The following DACH1 variants were observed in gnomAD, a reference collection of about 807,000 sequenced individuals.
DACH1 encodes dachshund homolog 1.
DACH1 carries 12 observed loss-of-function variants against 54.2 expected under a neutral mutation model. That is an observed-to-expected ratio of 0.22 (90% confidence interval 0.14 to 0.36). The LOEUF is 0.36. Among genes scored for constraint, DACH1 ranks in the 10% least tolerant of loss-of-function variants. The pLI, the probability that DACH1 is intolerant of heterozygous loss-of-function variation, is 1.00. For missense variants in DACH1, 805 were observed against 929.8 expected (o/e 0.87, Z 1.75); for synonymous variants, 386 against 366.2 (o/e 1.05, Z -0.62).
intron 10 of DACH1, among the ~76,000 whole-genome samples, chr13:71,465,213 C>T (rs188981047): frequency 6.6e-6 from 1 of 151,944 alleles, no homozygotes; most frequent in Non-Finnish European, 1.5e-5. Flanking sequence ...TATATACATG[C>T]TATCAAATTA....
At chr13:71,736,539 G>GCA (rs1477150281) in intron 1 of DACH1, among the ~76,000 whole-genome samples, 1 of 152,030 alleles carries the variant, frequency 6.6e-6, no homozygotes, top group Non-Finnish European at 1.5e-5. Context: ...AATGGAATGG[G>GCA]GCCCGATATA....
At chr13:71,733,012 C>T (rs1053331919) in intron 1 of DACH1, among the ~76,000 whole-genome samples, 6 of 152,062 alleles carry the variant, frequency 3.9e-5, no homozygotes, top group Non-Finnish European at 7.4e-5. Context: ...GTCTGGAATG[C>T]CTTTCCCCAA....
At chr13:71,662,004 T>C (rs1879524946) in intron 2 of DACH1, among the ~76,000 whole-genome samples, 1 of 152,056 alleles carries the variant, frequency 6.6e-6, no homozygotes, top group Admixed American at 6.6e-5. Flanking sequence ...AATGTTAATG[T>C]AATAACTTCC....
At chr13:71,589,867 A>G (rs928089852) in intron 3 of DACH1, among the ~76,000 whole-genome samples, 3 of 152,154 alleles carry the variant, frequency 2.0e-5, no homozygotes, top group African/African-American at 7.2e-5. Flanking sequence ...CATTTCAGTA[A>G]ATGACAGCAC....
At chr13:71,802,822 T>C (rs1261666252) in intron 1 of DACH1, among the ~76,000 whole-genome samples, 3 of 152,006 alleles carry the variant, frequency 2.0e-5, no homozygotes, top group Non-Finnish European at 1.5e-5. Context: ...AAAAGTTTGG[T>C]TGTATTAAAA....
At chr13:71,671,309 C>A (rs922411183) in intron 2 of DACH1, among the ~76,000 whole-genome samples, 1 of 151,658 alleles carries the variant, frequency 6.6e-6, no homozygotes, top group East Asian at 1.9e-4. Flanking sequence ...AAAAAGTATC[C>A]GTTAGCTTTA....
intron 3 of DACH1, among the ~76,000 whole-genome samples, chr13:71,588,993 A>G (rs548214265): frequency 1.3e-5 from 2 of 152,148 alleles, no homozygotes; most frequent in African/African-American, 4.8e-5. Context: ...TACCATTATT[A>G]GCAAAATATC....
At chr13:71,483,014 G>T (rs1878181265) in intron 7 of DACH1, among the ~76,000 whole-genome samples, 1 of 151,790 alleles carries the variant, frequency 6.6e-6, no homozygotes, top group East Asian at 1.9e-4. Flanking sequence ...TGTTGGCCAG[G>T]ATGATTTCAA....
At chr13:71,837,606 G>A (rs1441767873) in intron 1 of DACH1, among the ~76,000 whole-genome samples, 1 of 152,086 alleles carries the variant, frequency 6.6e-6, no homozygotes, top group Non-Finnish European at 1.5e-5. Context: ...TTAAAGCGAA[G>A]GAATGATGGC....
At chr13:71,623,444 G>T (rs1158800939) in intron 3 of DACH1, among the ~76,000 whole-genome samples, 1 of 151,434 alleles carries the variant, frequency 6.6e-6, no homozygotes, top group African/African-American at 2.4e-5. Context: ...TAATGAAAAG[G>T]ATACATAGTA....
intron 2 of DACH1, among the ~76,000 whole-genome samples, chr13:71,655,217 A>C (rs770786261): frequency 9.2e-5 from 14 of 152,160 alleles, no homozygotes; most frequent in Non-Finnish European, 1.3e-4. Flanking sequence ...ACATATCATA[A>C]TGCTATGCCA....
At chr13:71,774,603 A>G (rs1026223511) in intron 1 of DACH1, among the ~76,000 whole-genome samples, 3 of 152,156 alleles carry the variant, frequency 2.0e-5, no homozygotes, top group South Asian at 4.1e-4. Flanking sequence ...TTTATAATCC[A>G]TGCTTTACAG....
At chr13:71,559,077 T>G (rs1315123151) in intron 5 of DACH1, among the ~76,000 whole-genome samples, 1 of 152,066 alleles carries the variant, frequency 6.6e-6, no homozygotes, top group East Asian at 1.9e-4. Context: ...ATATAGTCAT[T>G]TATCAAAAGA....
At chr13:71,585,816 G>A (rs1873206428) in intron 3 of DACH1, among the ~76,000 whole-genome samples, 1 of 152,090 alleles carries the variant, frequency 6.6e-6, no homozygotes, top group Non-Finnish European at 1.5e-5. Context: ...TAATCATCCT[G>A]AGTTCTGTCA....
chr13:71,776,171 A>G (rs914783042), intron 1 of DACH1, among the ~76,000 whole-genome samples: 11 of 152,278 alleles, frequency 7.2e-5, no homozygotes, highest in African/African-American at 1.4e-4. Flanking sequence ...CTATTACACT[A>G]TAAATTTTAG....
rs1566409141 is a variant in DACH1 at position 71,654,458 on chromosome 13, G to GTAAAGTAAAA, written c.965-23742_965-23741insTTTTACTTTA. Among the ~76,000 whole-genome samples, 134 of 71,286 alleles carry GTAAAGTAAAA rather than the reference G, an allele frequency of 1.9e-3. 1 individual carries two copies. Among genetic ancestry groups the GTAAAGTAAAA allele is most frequent in the South Asian group, 4.4e-3 (8 of 1,828 alleles). 46.8% of individuals were successfully genotyped at this position (71,286 alleles called of 152,430 possible). A position where few individuals can be genotyped will look rare whatever the true frequency, so the allele number is the denominator to read the frequency against. On this transcript the variant is annotated intron_variant, in intron 2 of 10. Transcript: ENST00000613252. Reference sequence around the variant, plus strand: ...ATAAAATAAAATAAAATAAAATAAAGTAAAATAAAATAAAATAAAATAAAA... The same window carrying GTAAAGTAAAA: ...ATAAAATAAAATAAAATAAAATAAAGTAAAGTAAAATAAAATAAAATAAAATAAAATAAAA...
At chr13:71,759,027 T>C (rs1885289474) in intron 1 of DACH1, among the ~76,000 whole-genome samples, 1 of 152,000 alleles carries the variant, frequency 6.6e-6, no homozygotes. Flanking sequence ...ATGGGGAGTG[T>C]TTACTCATTT....
chr13:71,445,951 T>C (rs1396582679), intron 10 of DACH1, among the ~76,000 whole-genome samples: 2 of 152,318 alleles, frequency 1.3e-5, no homozygotes, highest in East Asian at 3.9e-4. Context: ...TAATTCAAAC[T>C]GTGCCATGTC....
At chr13:71,554,578 G>C (rs1056007555) in intron 6 of DACH1, among the ~76,000 whole-genome samples, 1 of 151,946 alleles carries the variant, frequency 6.6e-6, no homozygotes, top group Non-Finnish European at 1.5e-5. Flanking sequence ...TCCACCTTTG[G>C]CCTTGCTATT....
Sources: allele counts gnomAD v4.1 joint callset (sites outside exome capture counted in the v4.1 genomes callset), GRCh38; gene constraint gnomAD v4.1.1; transcripts MANE v1.5; gene names NCBI Gene and HGNC (gene_info 2026-07-23, HGNC 2026-07-21).